The following MYT1L variants were observed in gnomAD, a reference collection of about 807,000 sequenced individuals.
The protein encoded by MYT1L is myelin transcription factor 1-like protein.
A neutral mutation model predicts 126.7 loss-of-function variants in MYT1L; 12 were observed. That is an observed-to-expected ratio of 0.09 (90% CI 0.06 to 0.15). The LOEUF (loss-of-function observed/expected upper bound fraction) is 0.15. Ranked by LOEUF, MYT1L falls within the 10% of genes least tolerant of loss-of-function variation. The probability of loss-of-function intolerance (pLI) is 1.00; values close to 1 mark genes in which losing one functional copy is unlikely to be tolerated. For synonymous variants in MYT1L, 541 were observed against 604.2 expected, an observed-to-expected ratio of 0.90 and a Z score of 1.53; for missense variants, 979 against 1,585.2, an observed-to-expected ratio of 0.62 and a Z score of 6.49.
chr2:2,107,932 C>T (rs538636708), intron 3 of MYT1L, among the ~76,000 whole-genome samples: 64 of 152,226 alleles, frequency 4.2e-4, no homozygotes, highest in Admixed American at 1.1e-3. Context: ...CAGAACCCAA[C>T]GCTCAGCTCT....
At chr2:2,303,095 T>C (rs1173544438) in intron 1 of MYT1L, among the ~76,000 whole-genome samples, 1 of 152,222 alleles carries the variant, frequency 6.6e-6, no homozygotes, top group Admixed American at 6.5e-5. Context: ...ATAATAGTAG[T>C]CATCATAGTA....
intron 18 of MYT1L, among the ~76,000 whole-genome samples, chr2:1,872,644 G>A (rs552060148): frequency 3.9e-5 from 6 of 152,174 alleles, no homozygotes; most frequent in Non-Finnish European, 5.9e-5. Context: ...TTCATTCCTT[G>A]CTGGAAGTGG....
At chr2:2,027,955 G>A (rs573856701) in intron 4 of MYT1L, among the ~76,000 whole-genome samples, 25 of 152,308 alleles carry the variant, frequency 1.6e-4, no homozygotes, top group Non-Finnish European at 3.7e-4. Flanking sequence ...ATGTCACTGT[G>A]TTATTATTGT....
intron 2 of MYT1L, among the ~76,000 whole-genome samples, chr2:2,223,108 A>T (rs2093921682): frequency 6.6e-6 from 1 of 152,240 alleles, no homozygotes; most frequent in African/African-American, 2.4e-5. Flanking sequence ...AGTGAACTGC[A>T]GAGCTGAGAT....
intron 2 of MYT1L, among the ~76,000 whole-genome samples, chr2:2,204,933 TA>T (rs1482328933): frequency 2.2e-4 from 33 of 151,650 alleles, no homozygotes; most frequent in Non-Finnish European, 1.3e-4. Flanking sequence ...TATGCAGCCA[TA>T]AAAAATGATG....
chr2:2,141,639 G>C (rs2083994353), intron 3 of MYT1L, among the ~76,000 whole-genome samples: 1 of 152,198 alleles, frequency 6.6e-6, no homozygotes, highest in African/African-American at 2.4e-5. Flanking sequence ...ATGTATTTTG[G>C]AAAAGTCTGC....
At chr2:2,066,890 T>C (rs1022485786) in intron 3 of MYT1L, among the ~76,000 whole-genome samples, 9 of 152,188 alleles carry the variant, frequency 5.9e-5, no homozygotes, top group Non-Finnish European at 1.2e-4. Flanking sequence ...CAGTAACACA[T>C]TTAACAAAAG....
intron 4 of MYT1L, among the ~76,000 whole-genome samples, chr2:2,020,777 A>G (rs570711047): frequency 6.6e-6 from 1 of 152,368 alleles, no homozygotes; most frequent in East Asian, 1.9e-4. Context: ...TTCCTATTCT[A>G]AGGGAAAAGA....
At chr2:1,818,077 G>GA (rs35767221) in intron 21 of MYT1L, among the ~76,000 whole-genome samples, 43 of 152,216 alleles carry the variant, frequency 2.8e-4, no homozygotes, top group African/African-American at 1.0e-3. Context: ...CGAGCTCCGG[G>GA]AGGCCCTGAC....
chr2:1,807,961 C>T (rs986949418), intron 22 of MYT1L, among the ~76,000 whole-genome samples: 1 of 152,132 alleles, frequency 6.6e-6, no homozygotes, highest in Non-Finnish European at 1.5e-5. Context: ...GTTCCTGATA[C>T]TGAGTTCTCA....
chr2:2,208,744 C>T (rs1229107129), intron 2 of MYT1L, among the ~76,000 whole-genome samples: 1 of 151,872 alleles, frequency 6.6e-6, no homozygotes, highest in African/African-American at 2.4e-5. Context: ...CAATTTTAAT[C>T]TCTATTTTTA....
chr2:2,001,702 G>A (rs773940114), intron 4 of MYT1L, among the ~76,000 whole-genome samples: 4 of 152,194 alleles, frequency 2.6e-5, no homozygotes, highest in African/African-American at 9.6e-5. Flanking sequence ...AGGAAGCACA[G>A]GGTGTCCTGA....
chr2:1,808,268 C>T (rs2036035118), intron 22 of MYT1L, among the ~76,000 whole-genome samples: 1 of 152,182 alleles, frequency 6.6e-6, no homozygotes, highest in African/African-American at 2.4e-5. Flanking sequence ...TAGAAACTCC[C>T]AGCCAACAGT....
At chr2:1,853,502 C>T (rs1026165811) in intron 18 of MYT1L, among the ~76,000 whole-genome samples, 1 of 152,180 alleles carries the variant, frequency 6.6e-6, no homozygotes, top group Admixed American at 6.5e-5. Flanking sequence ...TTTCAAATGA[C>T]ACCTTATGTG....
intron 2 of MYT1L, among the ~76,000 whole-genome samples, chr2:2,241,432 C>T (rs538693547): frequency 5.9e-5 from 9 of 152,264 alleles, no homozygotes; most frequent in South Asian, 4.1e-4. Flanking sequence ...CTCAGTTCTC[C>T]GGCACTGCTC....
chr2:2,313,322 G>T lies in MYT1L; in HGVS notation c.-521+17645C>A, dbSNP rs191312720. Among the ~76,000 whole-genome samples, 682 of 152,132 alleles carry T rather than the reference G, an allele frequency of 4.5e-3. 8 individuals are homozygous for T. Among genetic ancestry groups the T allele is most frequent in the Admixed American group, 0.011 (172 of 15,270 alleles). The stretch of plus-strand genomic sequence containing the variant: ...AGCGGTTCACTGGCCCTTAAAATGT[G>T]CTGTCTCCACTACCGGTTGTCTTAA... On this transcript the variant is annotated intron_variant, in intron 1 of 24. Coordinates refer to ENST00000647738, the MANE Select transcript of MYT1L (RefSeq NM_001303052.2).
intron 9 of MYT1L, among the ~76,000 whole-genome samples, chr2:1,942,323 G>T (rs1033135113): frequency 1.3e-5 from 2 of 152,152 alleles, no homozygotes; most frequent in Non-Finnish European, 2.9e-5. Context: ...ACGCACTGCC[G>T]GGAACATTCC....
intron 3 of MYT1L, among the ~76,000 whole-genome samples, chr2:2,116,898 CA>C (rs2080287367): frequency 6.6e-6 from 1 of 152,210 alleles, no homozygotes; most frequent in South Asian, 2.1e-4. Flanking sequence ...GGCATCAGCC[CA>C]GCAGTTGTCA....
chr2:1,840,709 G>A (rs2041544870), intron 20 of MYT1L, 51 bp downstream of exon 20: 5 of 1,325,246 alleles, frequency 3.8e-6, no homozygotes, highest in African/African-American at 3.0e-5. Context: ...TGAATGCCTC[G>A]TCCCCACATG....
Sources: gnomAD v4.1 joint callset for allele counts (sites outside exome capture counted in the v4.1 genomes callset) on GRCh38, gnomAD v4.1.1 for gene constraint, MANE v1.5 for transcripts, NCBI Gene and HGNC (gene_info 2026-07-23, HGNC 2026-07-21) for gene names.